Variants in SLC24A2 observed in about 807,000 individuals in gnomAD.
SLC24A2 encodes the protein solute carrier family 24 member 2.
A neutral mutation model predicts 62.0 loss-of-function variants in SLC24A2; 36 were observed. That is an observed-to-expected ratio of 0.58 (90% CI 0.44 to 0.77). The LOEUF (loss-of-function observed/expected upper bound fraction) is 0.77. SLC24A2 is among the 30% of genes least tolerant of loss of function. The pLI is 0.00. For missense variants in SLC24A2, 846 were observed against 817.9 expected, an observed-to-expected ratio of 1.03 and a Z score of -0.42; for synonymous variants, 358 against 294.0, an observed-to-expected ratio of 1.22 and a Z score of -2.23.
chr9:20,230,183 A>G, the SLC24A2 span, among the ~76,000 whole-genome samples: 5 of 152,106 alleles, frequency 3.3e-5, no homozygotes, highest in Admixed American at 2.0e-4. Context: ...GAATAGTGCC[A>G]CTATAAACAT....
At chr9:19,576,467 C>A (rs1173253688) in intron 6 of SLC24A2, among the ~76,000 whole-genome samples, 3 of 152,092 alleles carry the variant, frequency 2.0e-5, no homozygotes, top group Admixed American at 1.3e-4. Context: ...TCAGGAGTGA[C>A]CAAGTGTGTG....
chr9:19,763,489 C>T (rs537411336), intron 2 of SLC24A2, among the ~76,000 whole-genome samples: 36 of 152,164 alleles, frequency 2.4e-4, no homozygotes, highest in Non-Finnish European at 4.9e-4. Context: ...GAGATATGTT[C>T]CATCAATACC....
At chr9:20,235,336 G>A in the SLC24A2 span, among the ~76,000 whole-genome samples, 1 of 152,252 alleles carries the variant, frequency 6.6e-6, no homozygotes, top group African/African-American at 2.4e-5. Flanking sequence ...GGAGCCTACA[G>A]AGGCAGGCAG....
chr9:20,213,488 C>T, the SLC24A2 span, among the ~76,000 whole-genome samples: 1 of 148,516 alleles, frequency 6.7e-6, no homozygotes, highest in African/African-American at 2.6e-5. Flanking sequence ...GATTTACAAG[C>T]CTAAAAGGTA....
chr9:19,542,128 C>T (rs1216387613), intron 8 of SLC24A2, among the ~76,000 whole-genome samples: 1 of 152,172 alleles, frequency 6.6e-6, no homozygotes, highest in African/African-American at 2.4e-5. Context: ...TGAGATGAAC[C>T]CGGTACCTCA....
At chr9:20,206,564 A>G in the SLC24A2 span, among the ~76,000 whole-genome samples, 35 of 152,180 alleles carry the variant, frequency 2.3e-4, no homozygotes, top group African/African-American at 8.2e-4. Context: ...ATCTCGGCTC[A>G]CTGCAACCTC....
chr9:19,944,706 T>A, the SLC24A2 span, among the ~76,000 whole-genome samples: 1 of 152,174 alleles, frequency 6.6e-6, no homozygotes, highest in African/African-American at 2.4e-5. Context: ...CCATGAGGCA[T>A]GATGTTCATT....
At chr9:20,010,765 C>T in the SLC24A2 span, among the ~76,000 whole-genome samples, 2 of 127,322 alleles carry the variant, frequency 1.6e-5, no homozygotes, top group East Asian at 2.9e-4. Flanking sequence ...CCCCCTCCCC[C>T]CACCCCATGA....
chr9:19,950,354 T>A, the SLC24A2 span, among the ~76,000 whole-genome samples: 8 of 152,246 alleles, frequency 5.3e-5, no homozygotes, highest in Non-Finnish European at 8.8e-5. Context: ...TGGTCTCTGA[T>A]AAAGCTGTCA....
the SLC24A2 span, among the ~76,000 whole-genome samples, chr9:20,259,078 A>G: frequency 7.2e-5 from 11 of 152,150 alleles, no homozygotes; most frequent in African/African-American, 2.7e-4. Flanking sequence ...GAGAGATGCA[A>G]CATTGCTGGC....
At chr9:19,722,902 GAC>G (rs1821069513) in intron 2 of SLC24A2, among the ~76,000 whole-genome samples, 1 of 152,110 alleles carries the variant, frequency 6.6e-6, no homozygotes, top group Non-Finnish European at 1.5e-5. Context: ...CGTATGGAAA[GAC>G]AGATTTTGAC....
At chr9:19,681,221 T>A (rs1819713312) in intron 2 of SLC24A2, among the ~76,000 whole-genome samples, 1 of 152,066 alleles carries the variant, frequency 6.6e-6, no homozygotes, top group Admixed American at 6.6e-5. Flanking sequence ...TATCCATTAT[T>A]CTCTCTGCAA....
At chr9:20,281,650 T>C in the SLC24A2 span, among the ~76,000 whole-genome samples, 1 of 152,234 alleles carries the variant, frequency 6.6e-6, no homozygotes, top group East Asian at 1.9e-4. Context: ...TTGCATGTAA[T>C]GAACTGCTCA....
the SLC24A2 span, among the ~76,000 whole-genome samples, chr9:20,158,015 C>T: frequency 2.6e-5 from 4 of 151,590 alleles, no homozygotes; most frequent in African/African-American, 9.7e-5. Context: ...ATAAACCATA[C>T]AGCAGAAGAA....
chr9:19,823,630 AAAAC>A, the SLC24A2 span, among the ~76,000 whole-genome samples: 1 of 11,490 alleles, frequency 8.7e-5, no homozygotes, highest in Non-Finnish European at 3.9e-3. Context: ...TCAGTCTCAA[AAAAC>A]AAAACAAAAC....
At chr9:20,126,062 G>A in the SLC24A2 span, among the ~76,000 whole-genome samples, 17 of 152,100 alleles carry the variant, frequency 1.1e-4, no homozygotes, top group African/African-American at 4.1e-4. Context: ...CCGATTTTTG[G>A]TTCTTACAAA....
At chr9:19,989,930 G>A in the SLC24A2 span, among the ~76,000 whole-genome samples, 3 of 152,140 alleles carry the variant, frequency 2.0e-5, no homozygotes, top group African/African-American at 7.2e-5. Flanking sequence ...CATAGAGACA[G>A]GTAAGTGCCT....
At chr9:20,244,129 A>G in the SLC24A2 span, among the ~76,000 whole-genome samples, 4 of 152,178 alleles carry the variant, frequency 2.6e-5, no homozygotes, top group African/African-American at 9.7e-5. Flanking sequence ...CCAAGCCTCC[A>G]AGGAGCATCT....
At chr9:20,300,587 G>A in the SLC24A2 span, among the ~76,000 whole-genome samples, 2 of 152,256 alleles carry the variant, frequency 1.3e-5, no homozygotes, top group East Asian at 1.9e-4. Flanking sequence ...TTGACATCAA[G>A]TTGGCCCATA....
Sources: allele counts gnomAD v4.1 joint callset (sites outside exome capture counted in the v4.1 genomes callset), GRCh38; gene constraint gnomAD v4.1.1; transcripts MANE v1.5; gene names NCBI Gene and HGNC (gene_info 2026-07-23, HGNC 2026-07-21).